AFG3L2: variants seen among roughly 807,000 people sequenced by gnomAD.
AFG3L2 encodes the protein mitochondrial inner membrane m-AAA protease component AFG3L2.
A neutral mutation model predicts 94.5 loss-of-function variants in AFG3L2; 54 were observed. The observed-to-expected ratio is 0.57, with a 90% confidence interval of 0.46 to 0.72. The LOEUF (loss-of-function observed/expected upper bound fraction) is 0.72. Among genes scored for constraint, AFG3L2 ranks in the 30% least tolerant of loss-of-function variants. The pLI is 0.00. For synonymous variants in AFG3L2, 377 were observed against 365.5 expected (o/e 1.03, Z -0.36); for missense variants, 754 against 994.9 (o/e 0.76, Z 3.26).
intron 8 of AFG3L2, 41 bp downstream of exon 8, chr18:12,358,629 C>G (rs1480659796): frequency 6.3e-7 from 1 of 1,588,960 alleles, no homozygotes; most frequent in East Asian, 2.2e-5. Context: ...CTTCAGAGAT[C>G]AAGAAACATT....
At chr18:12,352,102 T>A (rs1294904164) in intron 10 of AFG3L2, among the ~76,000 whole-genome samples, 1 of 152,086 alleles carries the variant, frequency 6.6e-6, no homozygotes, top group Admixed American at 6.6e-5. Flanking sequence ...AAGGCAGAGA[T>A]CAACCTCTAC....
At chr18:12,340,055 C>T in intron 15 of AFG3L2, 146 bp downstream of exon 15, 1 of 785,632 alleles carries the variant, frequency 1.3e-6, no homozygotes, top group South Asian at 1.5e-5. Context: ...GTTTTAATTG[C>T]TTTACTTCTT....
chr18:12,352,691 G>C (rs1011142111), intron 10 of AFG3L2, among the ~76,000 whole-genome samples: 17 of 151,930 alleles, frequency 1.1e-4, no homozygotes, highest in African/African-American at 3.9e-4. Flanking sequence ...AGGCTGCCAG[G>C]AAAAAATATT....
chr18:12,367,974 C>T (rs1395448675), intron 3 of AFG3L2, among the ~76,000 whole-genome samples: 1 of 152,078 alleles, frequency 6.6e-6, no homozygotes, highest in Non-Finnish European at 1.5e-5. Flanking sequence ...TTGAGACCAG[C>T]CTGTTCAACA....
intron 6 of AFG3L2, 183 bp from the exon 7 acceptor site, chr18:12,360,234 T>G (rs182038701): frequency 1.7e-6 from 1 of 594,034 alleles, no homozygotes; most frequent in South Asian, 2.3e-5. Flanking sequence ...TTGAGAACAC[T>G]TGGCAATTCT....
At chr18:12,344,651 G>A (rs532342133) in intron 13 of AFG3L2, among the ~76,000 whole-genome samples, 3 of 151,232 alleles carry the variant, frequency 2.0e-5, no homozygotes, top group South Asian at 4.2e-4. Flanking sequence ...TCCAGCCTGG[G>A]CTACAGAGTA....
chr18:12,361,579 G>A (rs564817709), intron 6 of AFG3L2, among the ~76,000 whole-genome samples: 70 of 151,400 alleles, frequency 4.6e-4, no homozygotes, highest in South Asian at 4.4e-3. Context: ...CCTGGGAGGC[G>A]GAAGTTGCAG....
At chr18:12,337,184 A>G in intron 16 of AFG3L2, 157 bp downstream of exon 16, 1 of 717,904 alleles carries the variant, frequency 1.4e-6, no homozygotes, top group South Asian at 1.5e-5. Flanking sequence ...CCCCGCTTGA[A>G]GACAGAGCAG....
In AFG3L2 at chr18:12,329,693, A is replaced by G; in HGVS notation, c.2266T>C (p.Tyr756His). 3.7e-6 allele frequency: 6 copies of G among 1,614,176 alleles called. No homozygotes were observed. The highest frequency in any genetic ancestry group is 5.1e-6 in the Non-Finnish European group (6 of 1,180,034). Residue 756 changes from tyrosine (Y) to histidine (H), a missense_variant, in exon 17 of 17, where the codon TAT becomes CAT. Tyr to His is a moderately conservative substitution (Grantham distance 83). Coordinates refer to ENST00000269143, the MANE Select transcript of AFG3L2 (RefSeq NM_006796.3). Reference sequence around the variant, plus strand: ...CCAGTGCCTTCCACAAATTCTTCATAGGTAGATTTTTCCGCAAATGGTCTG... The same window carrying G: ...CCAGTGCCTTCCACAAATTCTTCATGGGTAGATTTTTCCGCAAATGGTCTG... ...GPRPFAEKSTYEEFVEGTGSL... is the reference protein window; with the variant it reads ...GPRPFAEKSTHEEFVEGTGSL...
chr18:12,356,881 A>G (rs1908513507), intron 8 of AFG3L2, 50 bp from the exon 9 acceptor site: 12 of 1,571,428 alleles, frequency 7.6e-6, no homozygotes, highest in African/African-American at 1.3e-5. Flanking sequence ...CCAGAAAAGT[A>G]AATTGTGTAT....
chr18:12,348,674 A>G lies in AFG3L2; in HGVS notation c.1553-291T>C, dbSNP rs562335177. On this transcript the variant is annotated intron_variant, in intron 12 of 16. Transcript: ENST00000269143. ...GACAATATAGCTCACATAATAGCAAACTAAGACAGCATCTAAAAATGCTCA... is the reference window on the plus strand; with the variant it reads ...GACAATATAGCTCACATAATAGCAAGCTAAGACAGCATCTAAAAATGCTCA... Among the ~76,000 whole-genome samples, 5 of 152,380 alleles carry G rather than the reference A, an allele frequency of 3.3e-5. No individual in the cohort carries two copies. In the East Asian group the frequency reaches 9.6e-4, roughly 29 times the overall value.
At chr18:12,351,437 C>T in intron 10 of AFG3L2, 24 bp from the exon 11 acceptor site, 1 of 1,604,666 alleles carries the variant, frequency 6.2e-7, no homozygotes, top group East Asian at 2.2e-5. Context: ...AAAATGCAAA[C>T]ACTATTAAAT....
intron 3 of AFG3L2, among the ~76,000 whole-genome samples, chr18:12,369,241 C>A (rs1447171289): frequency 6.6e-6 from 1 of 152,092 alleles, no homozygotes; most frequent in African/African-American, 2.4e-5. Context: ...TATCATTACT[C>A]GGCCCCCACA....
At chr18:12,358,474 T>C (rs188258999) in intron 8 of AFG3L2, among the ~76,000 whole-genome samples, 196 bp downstream of exon 8, 1 of 152,210 alleles carries the variant, frequency 6.6e-6, no homozygotes, top group East Asian at 1.9e-4. Flanking sequence ...TTTTCAGGAA[T>C]ACATACACTA....
intron 6 of AFG3L2, 67 bp from the exon 7 acceptor site, chr18:12,360,118 G>T: frequency 6.7e-7 from 1 of 1,485,612 alleles, no homozygotes; most frequent in Non-Finnish European, 9.3e-7. Context: ...TCACTAAACG[G>T]TTCAACTTTT....
At chr18:12,376,360 C>T (rs1909155975) in intron 1 of AFG3L2, among the ~76,000 whole-genome samples, 1 of 152,220 alleles carries the variant, frequency 6.6e-6, no homozygotes, top group Admixed American at 6.5e-5. Context: ...GTCAGAAACA[C>T]GTATCAGGTC....
At chr18:12,344,007 C>T in intron 14 of AFG3L2, 125 bp downstream of exon 14, 1 of 822,716 alleles carries the variant, frequency 1.2e-6, no homozygotes, top group Non-Finnish European at 2.1e-6. Context: ...CCAGAAGTTA[C>T]CAGAAGTTTT....
At chr18:12,367,470 C>T (rs1350117070) in intron 3 of AFG3L2, 88 bp from the exon 4 acceptor site, 10 of 1,238,748 alleles carry the variant, frequency 8.1e-6, no homozygotes, top group Admixed American at 1.7e-5. Context: ...TAATAAAAGA[C>T]TCATTGCAGA....
At chr18:12,358,075 A>G (rs996856201) in intron 8 of AFG3L2, among the ~76,000 whole-genome samples, 1 of 152,218 alleles carries the variant, frequency 6.6e-6, no homozygotes, top group Non-Finnish European at 1.5e-5. Flanking sequence ...TGGACTTTTA[A>G]AAGAATTATA....
Sources: gnomAD v4.1 joint callset for allele counts (sites outside exome capture counted in the v4.1 genomes callset) on GRCh38, gnomAD v4.1.1 for gene constraint, MANE v1.5 for transcripts, NCBI Gene and HGNC (gene_info 2026-07-23, HGNC 2026-07-21) for gene names.